The following RNPC3 variants were observed in gnomAD, a reference collection of about 807,000 sequenced individuals.
RNPC3 encodes RNA binding region (RNP1, RRM) containing 3.
In RNPC3, 48 loss-of-function variants were observed where a neutral mutation model predicts 67.5. That is an observed-to-expected ratio of 0.71 (90% CI 0.56 to 0.90). The LOEUF (loss-of-function observed/expected upper bound fraction) is 0.90, where lower values mean the gene tolerates loss of function less well. RNPC3 is among the 40% of genes least tolerant of loss of function. RNPC3 has a pLI of 0.00. For missense variants in RNPC3, 637 were observed against 626.1 expected (o/e 1.02, Z -0.19); for synonymous variants, 239 against 210.3 (o/e 1.14, Z -1.18).
intron 11 of RNPC3, chr1:103,546,650 G>A (rs1046262334): frequency 2.5e-5 from 8 of 321,906 alleles, no homozygotes; most frequent in East Asian, 5.5e-5. Context: ...AGTCAAAAGT[G>A]TGGCAGGATT....
intron 7 of RNPC3, among the ~76,000 whole-genome samples, chr1:103,540,464 G>A (rs1651099499): frequency 6.6e-6 from 1 of 152,106 alleles, no homozygotes; most frequent in African/African-American, 2.4e-5. Context: ...TAGAGGCTTG[G>A]TGTACTTTGG....
intron 1 of RNPC3, 55 bp downstream of exon 1, chr1:103,526,317 G>T: frequency 7.0e-7 from 1 of 1,428,756 alleles, no homozygotes; most frequent in Non-Finnish European, 9.4e-7. Flanking sequence ...AGTGACCGGG[G>T]AGGGGGAGCG....
At chr1:103,533,648 A>G in intron 2 of RNPC3, 91 bp from the exon 3 acceptor site, 2 of 619,600 alleles carry the variant, frequency 3.2e-6, no homozygotes, top group Non-Finnish European at 5.3e-6. Context: ...TTACAGCATT[A>G]GCAAAAAAAA....
intron 13 of RNPC3, 82 bp from the exon 14 acceptor site, chr1:103,551,639 C>CATACTCCCACA: frequency 2.5e-6 from 2 of 795,602 alleles, no homozygotes; most frequent in Non-Finnish European, 4.0e-6. Context: ...ATACTCCCAC[C>CATACTCCCACA]ATACACTAGA....
At chr1:103,533,355 T>C (rs9783063) in intron 2 of RNPC3, among the ~76,000 whole-genome samples, 96,908 of 151,830 alleles carry the variant, frequency 0.64, 31,345 homozygotes, top group Middle Eastern at 0.73. Context: ...CTCTGAGATA[T>C]AGGTGGAAAA....
chr1:103,533,648 A>C (rs907094314), intron 2 of RNPC3, 91 bp from the exon 3 acceptor site: 4 of 619,600 alleles, frequency 6.5e-6, no homozygotes, highest in Non-Finnish European at 1.1e-5. Flanking sequence ...TTACAGCATT[A>C]GCAAAAAAAA....
intron 8 of RNPC3, among the ~76,000 whole-genome samples, chr1:103,541,788 C>T (rs1206849305): frequency 3.3e-5 from 5 of 151,934 alleles, no homozygotes; most frequent in African/African-American, 4.8e-5. Flanking sequence ...TCTTTCTCCT[C>T]GTGCATTTAC....
chr1:103,527,057 A>G (rs998329743), intron 1 of RNPC3, among the ~76,000 whole-genome samples: 1 of 152,198 alleles, frequency 6.6e-6, no homozygotes, highest in African/African-American at 2.4e-5. Flanking sequence ...ATTTAAGTAC[A>G]TCAGGTCATC....
At chr1:103,545,189 C>T (rs1651214713) in intron 10 of RNPC3, 87 bp downstream of exon 10, 1 of 1,110,072 alleles carries the variant, frequency 9.0e-7, no homozygotes, top group African/African-American at 1.6e-5. Flanking sequence ...ATGCCATTTA[C>T]CTTAATTTAA....
intron 14 of RNPC3, chr1:103,554,612 G>A (rs1651488221): frequency 6.6e-6 from 1 of 152,554 alleles, no homozygotes; most frequent in Non-Finnish European, 1.5e-5. Flanking sequence ...TAATTTTAAG[G>A]ACTGACCAGT....
rs974121693 is a variant in RNPC3, at chr1:103,555,222, G to A, written c.*201G>A. On this transcript the variant is annotated 3_prime_UTR_variant, in exon 15 of 15. Coordinates refer to ENST00000423855, the MANE Select transcript of RNPC3 (RefSeq NM_017619.4). ...TGATTTTCCTCAAATATAATAAATTGTTTCCTTTCCAATAAAATAGTGTTT... is the reference window on the plus strand; with the variant it reads ...TGATTTTCCTCAAATATAATAAATTATTTCCTTTCCAATAAAATAGTGTTT... 4.6e-5 allele frequency: 7 copies of A among 151,814 alleles called. No homozygotes were observed. The highest frequency in any genetic ancestry group is 3.3e-4 in the Admixed American group (5 of 15,236). The allele number at this position is 151,814 out of a possible 1,614,324, so 9.4% of individuals were successfully genotyped here. A position where few individuals can be genotyped will look rare whatever the true frequency, so the allele number is the denominator to read the frequency against.
At chr1:103,545,620 G>A (rs1488049787) in intron 10 of RNPC3, 1 of 152,314 alleles carries the variant, frequency 6.6e-6, no homozygotes, top group Non-Finnish European at 1.5e-5. Flanking sequence ...TTTTCCTACG[G>A]TAATGGGAAA....
chr1:103,534,864 A>G lies in RNPC3; in HGVS notation c.443+7A>G. 2 of 1,511,084 alleles carry G rather than the reference A, an allele frequency of 1.3e-6. No homozygotes were observed. The highest frequency in any genetic ancestry group is 1.8e-6 in the Non-Finnish European group (2 of 1,130,174). 93.6% of individuals were successfully genotyped at this position (1,511,084 alleles called of 1,614,324 possible). On this transcript the variant is annotated splice_region_variant and intron_variant, in intron 4 of 14. Transcript: ENST00000423855. ...GAATTGCACCAAACCATGGGTTAGCATTTTTGTTTGCTTTTCTTTTGCTTT... is the reference window on the plus strand; with the variant it reads ...GAATTGCACCAAACCATGGGTTAGCGTTTTTGTTTGCTTTTCTTTTGCTTT...
rs79855355 is a variant in RNPC3 at position 103,526,705 on chromosome 1, T to C, written c.192+443T>C. Among the ~76,000 whole-genome samples the C allele has an allele frequency of 3.9e-3, 601 of 152,344 alleles. 6 individuals carry two copies. The highest frequency in any genetic ancestry group is 0.014 in the African/African-American group (573 of 41,576). On this transcript the variant is annotated intron_variant, in intron 1 of 14. Transcript: ENST00000423855. ...GGAGAAGCTACATTGGTGACTTGCG[T>C]AAATTAAATGCAGAATTTCAACTAG...
intron 8 of RNPC3, among the ~76,000 whole-genome samples, chr1:103,541,720 G>A (rs868604005): frequency 7.9e-5 from 12 of 152,098 alleles, no homozygotes; most frequent in Admixed American, 2.6e-4. Flanking sequence ...TATCTTATAG[G>A]CACTTAAGAT....
chr1:103,543,173 A>G (rs1279009551), intron 8 of RNPC3, 123 bp from the exon 9 acceptor site: 21 of 605,420 alleles, frequency 3.5e-5, no homozygotes, highest in Non-Finnish European at 2.3e-5. Context: ...TTTATTGAAT[A>G]TCAAAAGTGT....
chr1:103,551,571 T>C, intron 13 of RNPC3, 150 bp from the exon 14 acceptor site: 1 of 548,270 alleles, frequency 1.8e-6, no homozygotes, highest in Non-Finnish European at 3.3e-6. Flanking sequence ...AGTTAATTAT[T>C]AATTTCCTCT....
At position 103,551,065 on chromosome 1, in the gene RNPC3, A is replaced by G. The variant is rs896778133; in HGVS notation, c.1486A>G (p.Met496Val). Reference protein sequence around the residue: ...ANGYVLFGKPMVVQFARSARP... With the variant: ...ANGYVLFGKPVVVQFARSARP... ...TGGATATGTGCTTTTTGGAAAACCCATGGTGGTTGTATCCTTTAAATCCAT... is the reference window on the plus strand; with the variant it reads ...TGGATATGTGCTTTTTGGAAAACCCGTGGTGGTTGTATCCTTTAAATCCAT... Residue 496 changes from methionine to valine, a missense_variant, in exon 13 of 15, where the codon ATG becomes GTG. Met to Val is a conservative substitution (Grantham distance 21, BLOSUM62 1). Coordinates refer to ENST00000423855, the MANE Select transcript of RNPC3 (RefSeq NM_017619.4). 6.2e-7 allele frequency: 1 copy of G among 1,609,856 alleles called. No homozygotes were observed. Among genetic ancestry groups the G allele is most frequent in the South Asian group, 1.1e-5 (1 of 90,438 alleles).
At chr1:103,546,927 G>A in intron 11 of RNPC3, 50 bp from the exon 12 acceptor site, 1 of 961,610 alleles carries the variant, frequency 1.0e-6, no homozygotes, top group South Asian at 1.5e-5. Flanking sequence ...TATTTATTAA[G>A]TTTTTTTCCC....
Sources: gnomAD v4.1 joint callset for allele counts (sites outside exome capture counted in the v4.1 genomes callset) on GRCh38, gnomAD v4.1.1 for gene constraint, MANE v1.5 for transcripts, NCBI Gene and HGNC (gene_info 2026-07-23, HGNC 2026-07-21) for gene names.